RPE65: variants seen among roughly 807,000 people sequenced by gnomAD.
RPE65 encodes retinoid isomerohydrolase.
RPE65 carries 58 observed loss-of-function variants against 68.5 expected under a neutral mutation model. The observed-to-expected ratio is 0.85, with a 90% confidence interval of 0.69 to 1.05. The LOEUF (loss-of-function observed/expected upper bound fraction) is 1.05, where lower values mean the gene tolerates loss of function less well. Among genes scored for constraint, RPE65 ranks in the 50% least tolerant of loss-of-function variants. The probability of loss-of-function intolerance (pLI) is 0.00; values close to 1 mark genes in which losing one functional copy is unlikely to be tolerated. For synonymous variants in RPE65, 220 were observed against 222.2 expected, an observed-to-expected ratio of 0.99 and a Z score of 0.09; for missense variants, 643 against 629.9, an observed-to-expected ratio of 1.02 and a Z score of -0.22.
intron 13 of RPE65, among the ~76,000 whole-genome samples, chr1:68,430,173 C>T (rs1645815974): frequency 6.6e-6 from 1 of 152,126 alleles, no homozygotes; most frequent in Admixed American, 6.6e-5. Context: ...TTGCTCACTG[C>T]TATATCTCAA....
In RPE65 at chr1:68,429,759, A is replaced by G. The variant is rs1441467910; in HGVS notation, c.*17T>C. The G allele has an allele frequency of 3.1e-6, 5 of 1,613,280 alleles. No homozygotes were observed. The highest frequency in any genetic ancestry group is 4.2e-6 in the Non-Finnish European group (5 of 1,179,554). The stretch of plus-strand genomic sequence containing the variant: ...TTCTCAGTTTTGCTACCAAAAACAT[A>G]TCTTGCTGGAGTATGCTCAAGATTT... On this transcript the variant is annotated 3_prime_UTR_variant, in exon 14 of 14. Transcript: ENST00000262340.
chr1:68,446,994 C>T (rs1414178693), intron 2 of RPE65, 134 bp from the exon 3 acceptor site: 3 of 1,203,734 alleles, frequency 2.5e-6, no homozygotes, highest in Non-Finnish European at 2.4e-6. Context: ...TTTTCATTTC[C>T]AGCCCTCGCG....
Position 68,440,946 on chromosome 1 carries a change from C to G in RPE65, c.550G>C (p.Glu184Gln). The G allele has an allele frequency of 6.2e-7, 1 of 1,613,970 alleles. No homozygotes were observed. The highest frequency in any genetic ancestry group is 1.3e-5 in the African/African-American group (1 of 75,008). The change falls in exon 6 of 14, where the codon GAA becomes CAA. Residue 184 changes from glutamate (E) to glutamine (Q), a missense_variant. By Grantham distance (29) the Glu-to-Gln change is conservative. Coordinates refer to ENST00000262340, the MANE Select transcript of RPE65 (RefSeq NM_000329.3). ...ATATTGTAAACGGTTCCATCATTTTCAATGTGGGGGTGAGCAGTGGCCCCA... is the reference window on the plus strand; with the variant it reads ...ATATTGTAAACGGTTCCATCATTTTGAATGTGGGGGTGAGCAGTGGCCCCA... ...VNGATAHPHIENDGTVYNIGN... is the reference protein window; with the variant it reads ...VNGATAHPHIQNDGTVYNIGN...
chr1:68,433,201 T>A (rs961717048), intron 10 of RPE65, among the ~76,000 whole-genome samples: 2 of 152,138 alleles, frequency 1.3e-5, no homozygotes, highest in African/African-American at 4.8e-5. Context: ...GCATGAATAT[T>A]TAACAACGAG....
chr1:68,434,544 A>T (rs1645847548), intron 10 of RPE65, among the ~76,000 whole-genome samples: 1 of 152,130 alleles, frequency 6.6e-6, no homozygotes, highest in African/African-American at 2.4e-5. Context: ...GACTCGAGGT[A>T]CTTAGTGGTG....
At chr1:68,449,787 T>C (rs903510105) in intron 1 of RPE65, 108 bp downstream of exon 1, 1 of 1,349,720 alleles carries the variant, frequency 7.4e-7, no homozygotes, top group Non-Finnish European at 1.1e-6. Flanking sequence ...TCAAGGGTCT[T>C]TCCTAAACAG....
At chr1:68,437,650 T>C (rs77155188) in intron 10 of RPE65, among the ~76,000 whole-genome samples, 2,324 of 152,326 alleles carry the variant, frequency 0.015, 46 homozygotes, top group South Asian at 0.1. Flanking sequence ...TTACTCTGGT[T>C]ATTCTAAAAA....
chr1:68,436,282 G>T (rs1202217645), intron 10 of RPE65, among the ~76,000 whole-genome samples: 1 of 151,954 alleles, frequency 6.6e-6, no homozygotes, highest in Non-Finnish European at 1.5e-5. Flanking sequence ...AAATCCTTAA[G>T]GTACCCAGAT....
chr1:68,436,415 T>A (rs969232974), intron 10 of RPE65, among the ~76,000 whole-genome samples: 27 of 151,988 alleles, frequency 1.8e-4, no homozygotes, highest in African/African-American at 5.5e-4. Flanking sequence ...AAATTTATTC[T>A]TTTTTCTACA....
At chr1:68,439,489 G>A in intron 7 of RPE65, 72 bp downstream of exon 7, 2 of 1,560,530 alleles carry the variant, frequency 1.3e-6, no homozygotes, top group Admixed American at 1.7e-5. Flanking sequence ...ATCAGGATTG[G>A]TATCAAAGGT....
At chr1:68,444,731 C>A (rs1571170452) in intron 4 of RPE65, 45 bp downstream of exon 4, 1 of 1,613,530 alleles carries the variant, frequency 6.2e-7, no homozygotes. Context: ...AGAAAAAGGG[C>A]TAATATAAAA....
In RPE65 at chr1:68,431,351, G is replaced by T. The variant is rs1355323529; in HGVS notation, c.1269C>A (p.Tyr423Ter). The T allele has an allele frequency of 6.2e-7, 1 of 1,613,820 alleles. No homozygotes were observed. Among genetic ancestry groups the T allele is most frequent in the Non-Finnish European group, 8.5e-7 (1 of 1,179,920 alleles). ...RQAFEFPQIN[Y>*]QKYCGKPYTY... Reference sequence around the variant, plus strand: ...TGTAAGGTTTCCCACAATACTTCTGGTAATTGATTTGAGGAAACTCAAATG... The same window carrying T: ...TGTAAGGTTTCCCACAATACTTCTGTTAATTGATTTGAGGAAACTCAAATG... The change falls in exon 12 of 14, where the codon TAC (tyrosine) becomes TAA (stop). Residue 423 changes from tyrosine (Y) to a stop codon, truncating the protein, a stop_gained. Transcript: ENST00000262340. LOFTEE classifies it high-confidence loss of function.
At chr1:68,430,675 C>T (rs933971350) in intron 13 of RPE65, among the ~76,000 whole-genome samples, 13 of 152,102 alleles carry the variant, frequency 8.5e-5, no homozygotes, top group Non-Finnish European at 1.9e-4. Context: ...ACAGACCTGC[C>T]TTCTCATTCT....
chr1:68,438,748 G>A (rs970869397), intron 9 of RPE65, among the ~76,000 whole-genome samples, 194 bp downstream of exon 9: 1 of 152,148 alleles, frequency 6.6e-6, no homozygotes, highest in Non-Finnish European at 1.5e-5. Flanking sequence ...GACCCGATTA[G>A]TTTTCAATCA....
chr1:68,444,138 G>A (rs904139111), intron 5 of RPE65, among the ~76,000 whole-genome samples: 2 of 152,114 alleles, frequency 1.3e-5, no homozygotes, highest in African/African-American at 4.8e-5. Context: ...CATAAATTCT[G>A]AATATGGAAA....
intron 5 of RPE65, among the ~76,000 whole-genome samples, chr1:68,441,399 A>G (rs760228791): frequency 1.2e-4 from 19 of 152,064 alleles, no homozygotes; most frequent in Middle Eastern, 3.2e-3. Flanking sequence ...AAAAATGTCA[A>G]TTTCGTATGG....
chr1:68,435,373 T>C (rs753190321), intron 10 of RPE65, among the ~76,000 whole-genome samples: 3 of 151,622 alleles, frequency 2.0e-5, no homozygotes, highest in Non-Finnish European at 4.4e-5. Flanking sequence ...AAAATATGAT[T>C]TCCCCCCCTG....
chr1:68,429,621 C>T lies in RPE65; in HGVS notation c.*155G>A, dbSNP rs1645805836. The T allele has an allele frequency of 1.3e-6, 1 of 783,142 alleles. No individual in the cohort carries two copies. Among genetic ancestry groups the T allele is most frequent in the Non-Finnish European group, 2.1e-6 (1 of 480,882 alleles). The allele number at this position is 783,142 out of a possible 1,614,324, so 48.5% of individuals were successfully genotyped here. A position where few individuals can be genotyped will look rare whatever the true frequency, so the allele number is the denominator to read the frequency against. On this transcript the variant is annotated 3_prime_UTR_variant, in exon 14 of 14. Transcript: ENST00000262340. ...TTTTTAAATAAAGGAATTGCTTGCT[C>T]AACTCAGTGCTTTCTGTAAAACATT...
chr1:68,430,273 A>T (rs781372528), intron 13 of RPE65, among the ~76,000 whole-genome samples: 1 of 152,232 alleles, frequency 6.6e-6, no homozygotes, highest in Non-Finnish European at 1.5e-5. Context: ...ATACAAATAT[A>T]GCACCTGCTG....
Sources: allele counts gnomAD v4.1 joint callset (sites outside exome capture counted in the v4.1 genomes callset), GRCh38; gene constraint gnomAD v4.1.1; transcripts MANE v1.5; gene names NCBI Gene and HGNC (gene_info 2026-07-23, HGNC 2026-07-21).